EMC2: variants seen among roughly 807,000 people sequenced by gnomAD.
EMC2 encodes ER membrane protein complex subunit 2.
Under a neutral mutation model 51.6 loss-of-function variants are expected in EMC2, and 37 were observed. The observed-to-expected ratio is 0.72, with a 90% CI of 0.55 to 0.94. EMC2 has a LOEUF of 0.94. EMC2 is among the 40% of genes least tolerant of loss of function. EMC2 has a pLI of 0.00. For synonymous variants in EMC2, 131 were observed against 112.4 expected, an observed-to-expected ratio of 1.17 and a Z score of -1.04; for missense variants, 359 against 350.9, an observed-to-expected ratio of 1.02 and a Z score of -0.18.
At position 108,476,794 on chromosome 8, in the gene EMC2, C is replaced by A; in HGVS notation, c.604C>A (p.Gln202Lys). ...CAATTTTTAACAGGTTAAGTATACC[C>A]AAGGTGGACTTGAAAACCTCGAACT... ...CQQYAEVKYT[Q>K]GGLENLELSR... The change falls in exon 9 of 11, where the codon CAA (glutamine) becomes AAA (lysine). Residue 202 changes from glutamine to lysine, a missense_variant. Coordinates refer to ENST00000220853, the MANE Select transcript of EMC2 (RefSeq NM_014673.5). 1.3e-6 allele frequency: 2 copies of A among 1,563,688 alleles called. No homozygotes were observed. The highest frequency in any genetic ancestry group is 8.8e-7 in the Non-Finnish European group (1 of 1,135,088).
chr8:108,466,442 A>ATTTTTTTTTTTTTTTTTTTTT (rs869102478), intron 5 of EMC2, among the ~76,000 whole-genome samples: 1 of 91,036 alleles, frequency 1.1e-5, no homozygotes, highest in African/African-American at 4.7e-5. Context: ...CTATGATAGA[A>ATTTTTTTTTTTTTTTTTTTTT]TTTTTTTTTT....
intron 5 of EMC2, among the ~76,000 whole-genome samples, chr8:108,469,299 TA>T (rs1279273353): frequency 6.6e-6 from 1 of 152,220 alleles, no homozygotes; most frequent in African/African-American, 2.4e-5. Flanking sequence ...ATACAGCTTC[TA>T]ATTGTTTTGC....
In EMC2 at chr8:108,486,849, A is replaced by T. The variant is rs1586197463; in HGVS notation, c.*251A>T. ...ATCAGTCTCTTCATATCACATATAC[A>T]TGTATATATATAAAACTCTAATGTA... On this transcript the variant is annotated 3_prime_UTR_variant, in exon 11 of 11. Coordinates refer to ENST00000220853, the MANE Select transcript of EMC2 (RefSeq NM_014673.5). 2 of 295,966 alleles carry T rather than the reference A, an allele frequency of 6.8e-6. No homozygotes were observed. Among genetic ancestry groups the T allele is most frequent in the South Asian group, 1.3e-4 (1 of 7,566 alleles). 18.3% of individuals were successfully genotyped at this position (295,966 alleles called of 1,614,324 possible). A position where few individuals can be genotyped will look rare whatever the true frequency, so the allele number is the denominator to read the frequency against.
At chr8:108,473,560 C>A (rs1490257591) in intron 7 of EMC2, among the ~76,000 whole-genome samples, 1 of 151,966 alleles carries the variant, frequency 6.6e-6, no homozygotes, top group Non-Finnish European at 1.5e-5. Flanking sequence ...TTTTTTACTT[C>A]ATTTGTTATT....
intron 5 of EMC2, among the ~76,000 whole-genome samples, chr8:108,459,721 A>AGAGAGTGTGT (rs763020311): frequency 1.3e-3 from 181 of 136,958 alleles, no homozygotes; most frequent in African/African-American, 4.4e-3. Context: ...AGAGAGAGAG[A>AGAGAGTGTGT]GTGTGTGTGT....
At chr8:108,466,015 G>C (rs1819456417) in intron 5 of EMC2, among the ~76,000 whole-genome samples, 1 of 152,110 alleles carries the variant, frequency 6.6e-6, no homozygotes, top group Non-Finnish European at 1.5e-5. Context: ...ATGTTTATCA[G>C]ATATTTACTA....
intron 10 of EMC2, among the ~76,000 whole-genome samples, chr8:108,485,444 A>G (rs955433243): frequency 2.1e-5 from 3 of 145,382 alleles, no homozygotes; most frequent in East Asian, 3.9e-4. Context: ...ATATATAATT[A>G]ATATATATAC....
At position 108,469,704 on chromosome 8, in the gene EMC2, G is replaced by A. The variant is rs151321092; in HGVS notation, c.364-122G>A. On this transcript the variant is annotated intron_variant, in intron 5 of 10. Coordinates refer to ENST00000220853, the MANE Select transcript of EMC2 (RefSeq NM_014673.5). ...GGGTATGTTTATAAACTCCCACTAA[G>A]CAGTAGTTCTACAATGGAATTTCTC... 1,478 of 733,960 alleles carry A rather than the reference G, an allele frequency of 2.0e-3. 33 individuals are homozygous for A. In the Admixed American group the frequency reaches 0.034, roughly 17 times the overall value. 45.5% of individuals were successfully genotyped at this position (733,960 alleles called of 1,614,324 possible).
chr8:108,455,904 AT>A lies in EMC2; in HGVS notation c.341del (p.Leu114TyrfsTer31). ...YDDAIQLYDR[I>X]LQEDPTNTAA... ...TGATGCTATACAGCTATATGATAGG[AT>A]TTTACAAGAAGATCCAACTAACACT... is the stretch of plus-strand genomic sequence containing the variant. On this transcript the variant is annotated frameshift_variant, in exon 5 of 11. Coordinates refer to ENST00000220853, the MANE Select transcript of EMC2 (RefSeq NM_014673.5). LOFTEE classifies it high-confidence loss of function. 1 of 1,379,508 alleles carries A rather than the reference AT, an allele frequency of 7.2e-7. No individual in the cohort carries two copies. Among genetic ancestry groups the A allele is most frequent in the Non-Finnish European group, 9.9e-7 (1 of 1,013,532 alleles). 85.5% of individuals were successfully genotyped at this position (1,379,508 alleles called of 1,614,324 possible). A position where few individuals can be genotyped will look rare whatever the true frequency, so the allele number is the denominator to read the frequency against.
intron 5 of EMC2, among the ~76,000 whole-genome samples, chr8:108,456,334 AAAAAAAAAAAAAAG>A (rs1347345077): frequency 3.7e-5 from 3 of 80,028 alleles, no homozygotes; most frequent in African/African-American, 1.2e-4. Context: ...CTTCGTGTCA[AAAAAAAAAAAAAAG>A]AAAAAAAAAA....
chr8:108,476,815 G>A lies in EMC2; in HGVS notation c.625G>A (p.Glu209Lys), dbSNP rs752382586. 3.1e-6 allele frequency: 5 copies of A among 1,604,258 alleles called. No homozygotes were observed. The highest frequency in any genetic ancestry group is 4.3e-6 in the Non-Finnish European group (5 of 1,172,040). Residue 209 changes from glutamate to lysine, a missense_variant, in exon 9 of 11, where the codon GAA becomes AAA. Coordinates refer to ENST00000220853, the MANE Select transcript of EMC2 (RefSeq NM_014673.5). ...KYTQGGLENL[E>K]LSRKYFAQAL... Reference sequence around the variant, plus strand: ...TACCCAAGGTGGACTTGAAAACCTCGAACTTTCAAGAAAGTATTTTGCACA... The same window carrying A: ...TACCCAAGGTGGACTTGAAAACCTCAAACTTTCAAGAAAGTATTTTGCACA...
chr8:108,482,160 G>A (rs923968033), intron 10 of EMC2, among the ~76,000 whole-genome samples: 1 of 152,076 alleles, frequency 6.6e-6, no homozygotes, highest in African/African-American at 2.4e-5. Flanking sequence ...CCAACACATG[G>A]TTCTGTCAGT....
intron 10 of EMC2, among the ~76,000 whole-genome samples, chr8:108,484,043 A>G (rs1811092216): frequency 6.6e-6 from 1 of 152,082 alleles, no homozygotes; most frequent in Non-Finnish European, 1.5e-5. Flanking sequence ...TATGGCTACT[A>G]TTTGCTCGTC....
rs1343568056 is a variant in EMC2 at position 108,464,583 on chromosome 8, G to T, written c.364-5243G>T. Among the ~76,000 whole-genome samples the T allele has an allele frequency of 2.6e-5, 4 of 152,260 alleles. No individual in the cohort carries two copies. In the East Asian group the frequency reaches 7.7e-4, roughly 29 times the overall value. On this transcript the variant is annotated intron_variant, in intron 5 of 10. Coordinates refer to ENST00000220853, the MANE Select transcript of EMC2 (RefSeq NM_014673.5). ...CAAGTGGTTGTGGATACCCCCAGGG[G>T]TTGGTACGGAGGACCAGGTGCAGCC...
intron 10 of EMC2, among the ~76,000 whole-genome samples, chr8:108,484,339 G>A (rs1479713911): frequency 6.6e-6 from 1 of 152,038 alleles, no homozygotes; most frequent in Non-Finnish European, 1.5e-5. Flanking sequence ...ATAATTGCAT[G>A]TCAGATTAAA....
chr8:108,489,056 T>A lies in EMC2; in HGVS notation c.*2458T>A, dbSNP rs1811193705. On this transcript the variant is annotated 3_prime_UTR_variant, in exon 11 of 11. Coordinates refer to ENST00000220853, the MANE Select transcript of EMC2 (RefSeq NM_014673.5). ...GCAAATGTGAGAATGAAAGTTACAT[T>A]TCAGAGATAGAACTGAAGGAGGATT... 6.6e-6 allele frequency among the ~76,000 whole-genome samples: 1 copy of A among 152,138 alleles called. No individual in the cohort carries two copies. The highest frequency in any genetic ancestry group is 3.2e-3 in the Middle Eastern group (1 of 316).
At chr8:108,465,784 T>A (rs971445568) in intron 5 of EMC2, among the ~76,000 whole-genome samples, 1 of 152,250 alleles carries the variant, frequency 6.6e-6, no homozygotes, top group Admixed American at 6.5e-5. Context: ...TAAGGGATGA[T>A]ATAATTTGTT....
intron 7 of EMC2, among the ~76,000 whole-genome samples, chr8:108,471,584 G>C (rs567473317): frequency 2.9e-4 from 44 of 151,652 alleles, no homozygotes; most frequent in Admixed American, 2.9e-3. Context: ...ATCTTCCGTA[G>C]TTTATACTTT....
At chr8:108,475,285 A>C (rs183367977) in intron 7 of EMC2, 1 of 152,040 alleles carries the variant, frequency 6.6e-6, no homozygotes, top group East Asian at 1.9e-4. Flanking sequence ...ATTCTACCAC[A>C]AGATTAAATA....
Sources: allele counts gnomAD v4.1 joint callset (sites outside exome capture counted in the v4.1 genomes callset), GRCh38; gene constraint gnomAD v4.1.1; transcripts MANE v1.5; gene names NCBI Gene and HGNC (gene_info 2026-07-23, HGNC 2026-07-21).